The following FOCAD variants were observed in gnomAD, a reference collection of about 807,000 sequenced individuals.
FOCAD encodes the protein focadhesin.
A neutral mutation model predicts 225.6 loss-of-function variants in FOCAD; 198 were observed. The observed-to-expected ratio is 0.88, with a 90% CI of 0.78 to 0.99. The LOEUF is 0.99. Ranked by LOEUF, FOCAD falls within the 50% of genes least tolerant of loss-of-function variation. The pLI is 0.00. For synonymous variants in FOCAD, 897 were observed against 755.0 expected (o/e 1.19, Z -3.08); for missense variants, 2,713 against 2,123.6 (o/e 1.28, Z -5.46).
chr9:20,861,141 A>G (rs987791071), intron 15 of FOCAD, among the ~76,000 whole-genome samples: 1 of 152,190 alleles, frequency 6.6e-6, no homozygotes, highest in African/African-American at 2.4e-5. Flanking sequence ...ATTCCTCTTG[A>G]AACTATTTTC....
At chr9:20,740,437 T>C in intron 5 of FOCAD, 97 bp downstream of exon 5, 1 of 686,092 alleles carries the variant, frequency 1.5e-6, no homozygotes, top group Non-Finnish European at 2.5e-6. Flanking sequence ...GTTATTTAAT[T>C]CAGCAGGATA....
chr9:20,809,660 T>C (rs1390994797), intron 11 of FOCAD, among the ~76,000 whole-genome samples: 1 of 152,198 alleles, frequency 6.6e-6, no homozygotes, highest in African/African-American at 2.4e-5. Flanking sequence ...TTTTATACTT[T>C]TAATCTTTAA....
chr9:20,768,589 A>G (rs945451255), intron 7 of FOCAD, among the ~76,000 whole-genome samples: 3 of 152,074 alleles, frequency 2.0e-5, no homozygotes, highest in African/African-American at 7.2e-5. Context: ...CTTTGAAGCA[A>G]TTGTGAATGG....
rs116285979 is a variant in FOCAD at position 20,801,880 on chromosome 9, G to A, written c.1455+12272G>A. Among the ~76,000 whole-genome samples, 179 of 152,256 alleles carry A rather than the reference G, an allele frequency of 1.2e-3. 1 individual carries two copies. The highest frequency in any genetic ancestry group is 6.8e-3 in the Middle Eastern group (2 of 294). On this transcript the variant is annotated intron_variant, in intron 11 of 43. Transcript: ENST00000338382. ...AAAAGTCAACCCCAGAATGCCTCAA[G>A]TTGGACACCTGTGTTAACTCCTTTA...
chr9:20,861,858 G>A (rs140981435), intron 15 of FOCAD, among the ~76,000 whole-genome samples: 1 of 152,008 alleles, frequency 6.6e-6, no homozygotes. Context: ...AAAATCATCA[G>A]TGTTAGCTGG....
At chr9:20,664,715 G>A (rs1479505272) in intron 2 of FOCAD, among the ~76,000 whole-genome samples, 1 of 149,654 alleles carries the variant, frequency 6.7e-6, no homozygotes, top group Non-Finnish European at 1.5e-5. Flanking sequence ...CTGGCCTCAA[G>A]CAATCCTCCT....
intron 2 of FOCAD, among the ~76,000 whole-genome samples, chr9:20,670,681 T>G (rs1447510330): frequency 6.6e-6 from 1 of 152,076 alleles, no homozygotes; most frequent in Non-Finnish European, 1.5e-5. Flanking sequence ...AGCTTTGGGG[T>G]GGGGTGGCCA....
intron 5 of FOCAD, among the ~76,000 whole-genome samples, chr9:20,745,204 G>T (rs1378906131): frequency 6.6e-6 from 1 of 151,608 alleles, no homozygotes; most frequent in Admixed American, 6.6e-5. Flanking sequence ...CTGCCTCCCA[G>T]GCTCAAGCTA....
intron 15 of FOCAD, among the ~76,000 whole-genome samples, chr9:20,830,415 ATC>A (rs1825366926): frequency 2.0e-5 from 3 of 152,110 alleles, no homozygotes; most frequent in Admixed American, 2.0e-4. Flanking sequence ...TTTTTAAAGC[ATC>A]ACATTTACTT....
chr9:20,659,440 A>AAGAAAGAAAGAAAGGAAAGAAAGAAAGAC (rs71334544), intron 2 of FOCAD, among the ~76,000 whole-genome samples: 1 of 145,070 alleles, frequency 6.9e-6, no homozygotes, highest in Non-Finnish European at 1.5e-5. Context: ...GAAAGAAAGA[A>AAGAAAGAAAGAAAGGAAAGAAAGAAAGAC]AGACAGACAG....
rs80147993 is a variant in FOCAD, at chr9:20,864,418, A to G, written c.2056-1508A>G. Among the ~76,000 whole-genome samples, 351 of 152,004 alleles carry G rather than the reference A, an allele frequency of 2.3e-3. 10 individuals are homozygous for G. In the East Asian group the frequency reaches 0.044, roughly 19 times the overall value. On this transcript the variant is annotated intron_variant, in intron 16 of 43. Transcript: ENST00000338382. ...GTCCTTCAAACTTTTCCTTCCTCCAAACTTTTCCATTTCTTTTCCTTTGTT... is the reference window on the plus strand; with the variant it reads ...GTCCTTCAAACTTTTCCTTCCTCCAGACTTTTCCATTTCTTTTCCTTTGTT...
At chr9:20,855,779 T>C (rs1828116607) in intron 15 of FOCAD, among the ~76,000 whole-genome samples, 1 of 150,376 alleles carries the variant, frequency 6.6e-6, no homozygotes. Flanking sequence ...TTAACCATCA[T>C]TTTACCCCTA....
chr9:20,876,509 C>T (rs1487750639), intron 19 of FOCAD, among the ~76,000 whole-genome samples: 1 of 152,042 alleles, frequency 6.6e-6, no homozygotes, highest in African/African-American at 2.4e-5. Flanking sequence ...ATGGCTATTA[C>T]CTGGATCTTC....
intron 15 of FOCAD, among the ~76,000 whole-genome samples, chr9:20,835,690 G>A (rs1233981341): frequency 6.6e-6 from 1 of 152,098 alleles, no homozygotes; most frequent in Admixed American, 6.6e-5. Flanking sequence ...CTGAAAGAGA[G>A]AGATTAACTT....
intron 2 of FOCAD, among the ~76,000 whole-genome samples, chr9:20,677,563 C>T (rs1822271451): frequency 6.6e-6 from 1 of 151,920 alleles, no homozygotes; most frequent in Admixed American, 6.5e-5. Context: ...ACCTGATAGA[C>T]ATTTCTCCAA....
chr9:20,882,526 T>A (rs6475483), intron 20 of FOCAD, among the ~76,000 whole-genome samples: 2 of 152,212 alleles, frequency 1.3e-5, no homozygotes, highest in African/African-American at 4.8e-5. Flanking sequence ...GCTAGGAGAA[T>A]GGGCTTGAAA....
At chr9:20,719,031 A>G (rs545601048) in intron 3 of FOCAD, among the ~76,000 whole-genome samples, 1 of 152,318 alleles carries the variant, frequency 6.6e-6, no homozygotes, top group South Asian at 2.1e-4. Context: ...TAAGATAGAA[A>G]AGATTCTTAG....
chr9:20,758,568 A>C lies in FOCAD; in HGVS notation c.494+377A>C, dbSNP rs373141562. ...TTGTGATGTTCCCCTTCCTGTGTCC[A>C]TGTGTTCTCATTGTTCAATTCCCAC... On this transcript the variant is annotated intron_variant, in intron 6 of 43. Coordinates refer to ENST00000338382, the MANE Select transcript of FOCAD (RefSeq NM_001375567.1). 8.0e-4 allele frequency among the ~76,000 whole-genome samples: 98 copies of C among 122,082 alleles called. 3 individuals carry two copies. In the East Asian group the frequency reaches 0.023, roughly 29 times the overall value. 80.1% of individuals were successfully genotyped at this position (122,082 alleles called of 152,430 possible).
chr9:20,778,830 A>G, intron 9 of FOCAD, 62 bp downstream of exon 9: 1 of 919,518 alleles, frequency 1.1e-6, no homozygotes, highest in Non-Finnish European at 1.8e-6. Flanking sequence ...GACAGGATTC[A>G]CTTGAACTAT....
Sources: allele counts gnomAD v4.1 joint callset (sites outside exome capture counted in the v4.1 genomes callset), GRCh38; gene constraint gnomAD v4.1.1; transcripts MANE v1.5; gene names NCBI Gene and HGNC (gene_info 2026-07-23, HGNC 2026-07-21).